NRG3: variants seen among roughly 807,000 people sequenced by gnomAD.
The protein encoded by NRG3 is pro-neuregulin-3, membrane-bound isoform.
Under a neutral mutation model 66.9 loss-of-function variants are expected in NRG3, and 31 were observed. That is an observed-to-expected ratio of 0.46 (90% CI 0.35 to 0.63). NRG3 has a LOEUF of 0.63. NRG3 is among the 20% of genes least tolerant of loss of function. NRG3 has a pLI of 0.00. For missense variants in NRG3, 910 were observed against 878.9 expected, an observed-to-expected ratio of 1.04 and a Z score of -0.45; for synonymous variants, 393 against 359.4, an observed-to-expected ratio of 1.09 and a Z score of -1.06.
At chr10:82,005,897 T>TTGTGTGTGTGTGTGTG (rs58906037) in intron 1 of NRG3, among the ~76,000 whole-genome samples, 13 of 148,846 alleles carry the variant, frequency 8.7e-5, no homozygotes, top group East Asian at 2.0e-4. Context: ...AATGTGTATT[T>TTGTGTGTGTGTGTGTG]TGTGTGTGTG....
intron 4 of NRG3, among the ~76,000 whole-genome samples, chr10:82,877,795 T>A (rs1024900686): frequency 6.6e-6 from 1 of 152,154 alleles, no homozygotes; most frequent in Non-Finnish European, 1.5e-5. Context: ...CCCAAACATA[T>A]ACAGGATATT....
intron 4 of NRG3, among the ~76,000 whole-genome samples, chr10:82,937,587 C>T (rs1184785233): frequency 6.6e-6 from 1 of 152,178 alleles, no homozygotes; most frequent in Non-Finnish European, 1.5e-5. Context: ...TTCAGAGTGA[C>T]TTTGGCACTG....
At chr10:82,346,550 G>C (rs1220020710) in intron 1 of NRG3, among the ~76,000 whole-genome samples, 1 of 152,106 alleles carries the variant, frequency 6.6e-6, no homozygotes, top group African/African-American at 2.4e-5. Flanking sequence ...TCTCTGCCCA[G>C]CTTTGGTATC....
At chr10:82,074,876 A>G (rs967748643) in intron 1 of NRG3, among the ~76,000 whole-genome samples, 1 of 152,120 alleles carries the variant, frequency 6.6e-6, no homozygotes, top group Non-Finnish European at 1.5e-5. Flanking sequence ...AAATGTTCAT[A>G]AATTCAGCCA....
chr10:82,103,226 T>A (rs2066868345), intron 1 of NRG3, among the ~76,000 whole-genome samples: 1 of 152,192 alleles, frequency 6.6e-6, no homozygotes, highest in African/African-American at 2.4e-5. Flanking sequence ...TTCCTTTATA[T>A]GTAATGTGCC....
chr10:81,966,135 A>C (rs2059722565), intron 1 of NRG3, among the ~76,000 whole-genome samples: 1 of 151,874 alleles, frequency 6.6e-6, no homozygotes, highest in South Asian at 2.1e-4. Flanking sequence ...CAACACATTC[A>C]AAGGTAATTT....
At chr10:82,167,337 G>C (rs2072162069) in intron 1 of NRG3, among the ~76,000 whole-genome samples, 1 of 151,948 alleles carries the variant, frequency 6.6e-6, no homozygotes, top group Non-Finnish European at 1.5e-5. Context: ...TTCGTAGGCT[G>C]GACTAAGGCA....
chr10:82,515,316 G>T (rs1845554679), intron 2 of NRG3, among the ~76,000 whole-genome samples: 1 of 152,104 alleles, frequency 6.6e-6, no homozygotes, highest in Non-Finnish European at 1.5e-5. Context: ...TCATTCTTGA[G>T]CCAATGAGTA....
At chr10:82,854,609 G>A (rs1167386035) in intron 3 of NRG3, among the ~76,000 whole-genome samples, 1 of 152,120 alleles carries the variant, frequency 6.6e-6, no homozygotes, top group African/African-American at 2.4e-5. Flanking sequence ...AGGCTTTAAC[G>A]ATGGACAAGC....
chr10:81,915,346 A>G (rs1399900037), intron 1 of NRG3, among the ~76,000 whole-genome samples: 1 of 152,114 alleles, frequency 6.6e-6, no homozygotes, highest in African/African-American at 2.4e-5. Flanking sequence ...GCTGCCTTGG[A>G]GAGGCTAGAT....
At chr10:82,239,783 C>T (rs1459508988) in intron 1 of NRG3, among the ~76,000 whole-genome samples, 1 of 151,998 alleles carries the variant, frequency 6.6e-6, no homozygotes, top group Non-Finnish European at 1.5e-5. Context: ...TTTTATTCCA[C>T]CTTTGTATCT....
chr10:82,106,508 CT>C (rs542988401), intron 1 of NRG3, among the ~76,000 whole-genome samples: 15,870 of 142,286 alleles, frequency 0.11, 1,677 homozygotes, highest in African/African-American at 0.3. Context: ...CATAATTAGA[CT>C]TTTTTTTTTT....
chr10:82,948,949 C>A (rs887929029), intron 4 of NRG3, among the ~76,000 whole-genome samples: 3 of 152,036 alleles, frequency 2.0e-5, no homozygotes, highest in East Asian at 3.9e-4. Flanking sequence ...CAGTGTTGAC[C>A]AGAAGGTATG....
At chr10:82,905,579 G>A (rs552048996) in intron 4 of NRG3, among the ~76,000 whole-genome samples, 3 of 152,158 alleles carry the variant, frequency 2.0e-5, no homozygotes, top group Admixed American at 6.5e-5. Flanking sequence ...TTCTTCGATA[G>A]TGCAAAAATC....
At chr10:82,172,193 C>G (rs926869212) in intron 1 of NRG3, among the ~76,000 whole-genome samples, 1 of 152,052 alleles carries the variant, frequency 6.6e-6, no homozygotes, top group African/African-American at 2.4e-5. Flanking sequence ...AATTGGTGAA[C>G]AGATTTCTAT....
At chr10:82,983,740 T>G (rs1853163703) in intron 8 of NRG3, among the ~76,000 whole-genome samples, 1 of 152,248 alleles carries the variant, frequency 6.6e-6, no homozygotes, top group African/African-American at 2.4e-5. Context: ...CTGTTGTTAT[T>G]AAGTCTGAAA....
chr10:82,200,658 C>CCCGA (rs1264578279), intron 1 of NRG3, among the ~76,000 whole-genome samples: 1 of 152,120 alleles, frequency 6.6e-6, no homozygotes, highest in Non-Finnish European at 1.5e-5. Context: ...AAGTCGCATG[C>CCCGA]CCGAAGTCAA....
chr10:82,967,883 C>T (rs1851354411), intron 6 of NRG3, among the ~76,000 whole-genome samples: 1 of 152,204 alleles, frequency 6.6e-6, no homozygotes, highest in African/African-American at 2.4e-5. Flanking sequence ...CTGCCTAAGA[C>T]TACAGACCCC....
intron 1 of NRG3, among the ~76,000 whole-genome samples, chr10:82,114,250 T>C: frequency 6.6e-6 from 1 of 152,182 alleles, no homozygotes; most frequent in Non-Finnish European, 1.5e-5. Flanking sequence ...GTTCACACCT[T>C]TTGGCTATTA....
Sources: gnomAD v4.1 joint callset for allele counts (sites outside exome capture counted in the v4.1 genomes callset) on GRCh38, gnomAD v4.1.1 for gene constraint, MANE v1.5 for transcripts, NCBI Gene and HGNC (gene_info 2026-07-23, HGNC 2026-07-21) for gene names.